Variants in MCF2L2 observed in about 807,000 individuals in gnomAD.
MCF2L2 encodes MCF.2 cell line derived transforming sequence-like 2.
MCF2L2 carries 102 observed loss-of-function variants against 150.2 expected under a neutral mutation model. The observed-to-expected ratio is 0.68, with a 90% CI of 0.58 to 0.80. The LOEUF is 0.80. MCF2L2 is among the 30% of genes least tolerant of loss of function. The probability of loss-of-function intolerance (pLI) is 0.00; values close to 1 mark genes in which losing one functional copy is unlikely to be tolerated. For missense variants in MCF2L2, 1,256 were observed against 1,372.8 expected (o/e 0.91, Z 1.34); for synonymous variants, 465 against 491.3 (o/e 0.95, Z 0.71).
chr3:183,360,993 GAAA>G (rs1301550525), intron 3 of MCF2L2, among the ~76,000 whole-genome samples: 17 of 118,124 alleles, frequency 1.4e-4, no homozygotes, highest in African/African-American at 6.6e-4. Context: ...GAAAAGAAAA[GAAA>G]AGAAAAGAAA....
At chr3:183,308,336 A>C (rs979144231) in intron 10 of MCF2L2, among the ~76,000 whole-genome samples, 1 of 152,220 alleles carries the variant, frequency 6.6e-6, no homozygotes, top group African/African-American at 2.4e-5. Flanking sequence ...TAAGCAAAAA[A>C]ATATAGTATC....
chr3:183,272,012 A>G (rs78804737), intron 15 of MCF2L2: 9,309 of 420,894 alleles, frequency 0.022, 117 homozygotes, highest in Non-Finnish European at 0.026. Flanking sequence ...ATTAAACATC[A>G]AAGTTATAAT....
chr3:183,425,880 G>A (rs753660162), intron 1 of MCF2L2, among the ~76,000 whole-genome samples: 120 of 152,084 alleles, frequency 7.9e-4, no homozygotes, highest in Admixed American at 2.0e-3. Context: ...GCTTGAACCC[G>A]GGAGGCGGAG....
At chr3:183,352,285 G>A (rs1028638457) in intron 3 of MCF2L2, among the ~76,000 whole-genome samples, 2 of 152,020 alleles carry the variant, frequency 1.3e-5, no homozygotes, top group Non-Finnish European at 2.9e-5. Context: ...CACTTTGGGA[G>A]GCTGAGGCGG....
intron 2 of MCF2L2, among the ~76,000 whole-genome samples, chr3:183,383,015 C>T (rs1713622509): frequency 6.6e-6 from 1 of 152,076 alleles, no homozygotes; most frequent in Admixed American, 6.6e-5. Flanking sequence ...ATGGCAGAAC[C>T]ATTCCCTGGT....
chr3:183,219,798 C>G, intron 21 of MCF2L2, 58 bp downstream of exon 21: 4 of 1,156,848 alleles, frequency 3.5e-6, no homozygotes, highest in Non-Finnish European at 5.2e-6. Context: ...TCCTCCGACC[C>G]ATAGACAAAC....
At position 183,178,686 on chromosome 3, in the gene MCF2L2, C is replaced by T. The variant is rs975742154; in HGVS notation, c.*694G>A. 6.6e-6 allele frequency: 1 copy of T among 152,124 alleles called. No individual in the cohort carries two copies. The highest frequency in any genetic ancestry group is 2.4e-5 in the African/African-American group (1 of 41,412). 9.4% of individuals were successfully genotyped at this position (152,124 alleles called of 1,614,324 possible). ...AACTAATAAAACTAAAAATAAAATA[C>T]AACTGAAACTAACAAAACTCATTTA... On this transcript the variant is annotated 3_prime_UTR_variant, in exon 30 of 30. Transcript: ENST00000328913.
At chr3:183,216,580 ATTTTTTTTTTTTTTTTTTTT>A (rs1160267005) in intron 21 of MCF2L2, among the ~76,000 whole-genome samples, 26 of 3,850 alleles carry the variant, frequency 6.8e-3, no homozygotes, top group East Asian at 0.027. Context: ...ATATATATAT[ATTTTTTTTTTTTTTTTTTTT>A]TTTTTTTTTT....
At chr3:183,337,571 G>GAAA (rs1730536735) in intron 5 of MCF2L2, among the ~76,000 whole-genome samples, 1 of 127,214 alleles carries the variant, frequency 7.9e-6, no homozygotes. Context: ...AAAAAAAAAA[G>GAAA]AAGAAAAAAA....
At chr3:183,402,451 CAAAAAAAAA>C (rs779201489) in intron 1 of MCF2L2, among the ~76,000 whole-genome samples, 3 of 54,758 alleles carry the variant, frequency 5.5e-5, no homozygotes, top group South Asian at 9.0e-4. Flanking sequence ...GAGACTCCAT[CAAAAAAAAA>C]AAAAAAAAAA....
At position 183,178,490 on chromosome 3, in the gene MCF2L2, TAAATA is replaced by T. The variant is rs1325149995; in HGVS notation, c.*885_*889del. The T allele has an allele frequency of 6.6e-6, 1 of 151,842 alleles. No individual in the cohort carries two copies. The highest frequency in any genetic ancestry group is 1.5e-5 in the Non-Finnish European group (1 of 67,926). The allele number at this position is 151,842 out of a possible 1,614,324, so 9.4% of individuals were successfully genotyped here. On this transcript the variant is annotated 3_prime_UTR_variant, in exon 30 of 30. Transcript: ENST00000328913. ...CTCGAAAAATAAATAAATAAATAAATAAATAAATTCCAAGCAAATTAATTTGAACA... is the reference window on the plus strand; with the variant it reads ...CTCGAAAAATAAATAAATAAATAAATAATTCCAAGCAAATTAATTTGAACA...
chr3:183,181,480 G>A lies in MCF2L2; in HGVS notation c.3017-1321C>T, dbSNP rs575103324. Among the ~76,000 whole-genome samples the A allele has an allele frequency of 5.9e-5, 9 of 152,278 alleles. No homozygotes were observed. The highest frequency in any genetic ancestry group is 1.9e-4 in the African/African-American group (8 of 41,560). ...TGGGAGGGGCAAGGGGTGGAGGGCA[G>A]AGGAGAAACTGCCTCAGGGATGTGC... On this transcript the variant is annotated intron_variant, in intron 27 of 29. Coordinates refer to ENST00000328913, the MANE Select transcript of MCF2L2 (RefSeq NM_015078.4). This position sits in a 1 kb window ranked among gnomAD's most constrained non-coding sequence, Gnocchi z 4.3.
At chr3:183,242,851 C>G (rs1486973999) in intron 15 of MCF2L2, among the ~76,000 whole-genome samples, 1 of 152,212 alleles carries the variant, frequency 6.6e-6, no homozygotes, top group Non-Finnish European at 1.5e-5. Context: ...TCAAAGCAAC[C>G]ACAAGGGGGG....
intron 27 of MCF2L2, among the ~76,000 whole-genome samples, chr3:183,192,444 G>A (rs1027784050): frequency 8.5e-5 from 13 of 152,154 alleles, no homozygotes; most frequent in African/African-American, 3.1e-4. Context: ...TGGCCTTGGG[G>A]CCATTATTAA....
intron 3 of MCF2L2, among the ~76,000 whole-genome samples, chr3:183,351,213 T>C (rs1731111693): frequency 1.2e-5 from 1 of 83,628 alleles, no homozygotes; most frequent in East Asian, 4.4e-4. Context: ...TATATATATA[T>C]ATATATATAT....
rs1402582357 is a variant in MCF2L2 at position 183,338,898 on chromosome 3, G to C, written c.388C>G (p.Gln130Glu). The stretch of plus-strand genomic sequence containing the variant: ...GATGGACGAAGGATGAATATGAGCT[G>C]TAAGTTTCCTGGAAATGCCACCTGC... ...RIAVAFPGNLQLIFILRPSRF... is the reference protein window; with the variant it reads ...RIAVAFPGNLELIFILRPSRF... Residue 130 changes from glutamine (Q) to glutamate (E), a missense_variant, in exon 5 of 30, where the codon CAG becomes GAG. Physicochemically the swap from Gln to Glu is conservative, Grantham distance 29. Transcript: ENST00000328913. 1 of 1,601,206 alleles carries C rather than the reference G, an allele frequency of 6.2e-7. No homozygotes were observed. Among genetic ancestry groups the C allele is most frequent in the Non-Finnish European group, 8.5e-7 (1 of 1,170,788 alleles).
intron 5 of MCF2L2, among the ~76,000 whole-genome samples, chr3:183,333,227 A>G (rs1027733467): frequency 1.3e-5 from 2 of 151,984 alleles, no homozygotes; most frequent in African/African-American, 2.4e-5. Context: ...TTGTATTTTT[A>G]GTAGAGACAG....
chr3:183,418,678 A>G (rs1453179550), intron 1 of MCF2L2, among the ~76,000 whole-genome samples: 1 of 152,242 alleles, frequency 6.6e-6, no homozygotes, highest in Non-Finnish European at 1.5e-5. Context: ...GACAGTCATT[A>G]AATATTAAAG....
intron 1 of MCF2L2, among the ~76,000 whole-genome samples, chr3:183,408,823 T>G (rs1422326982): frequency 6.6e-6 from 1 of 152,364 alleles, no homozygotes; most frequent in East Asian, 1.9e-4. Flanking sequence ...TGTGCTCATT[T>G]TGAACACCTG....
Sources: allele counts gnomAD v4.1 joint callset (sites outside exome capture counted in the v4.1 genomes callset), GRCh38; gene constraint gnomAD v4.1.1; non-coding constraint Gnocchi (gnomAD v3.1); transcripts MANE v1.5; gene names NCBI Gene and HGNC (gene_info 2026-07-23, HGNC 2026-07-21).